PECAM1: variants seen among roughly 807,000 people sequenced by gnomAD.
PECAM1 encodes the protein platelet endothelial cell adhesion molecule.
In PECAM1, 8 loss-of-function variants were observed where a neutral mutation model predicts 13.8. The ratio of observed to expected loss-of-function variants is 0.58; its 90% CI spans 0.34 to 1.05. The LOEUF (loss-of-function observed/expected upper bound fraction) is 1.05. Ranked by LOEUF, PECAM1 falls within the 50% of genes least tolerant of loss-of-function variation. PECAM1 has a pLI of 0.03. For missense variants in PECAM1, 304 were observed against 141.2 expected, an observed-to-expected ratio of 2.15 and a Z score of -5.84; for synonymous variants, 136 against 52.6, an observed-to-expected ratio of 2.58 and a Z score of -6.86.
chr17:64,357,551 G>A (rs200621651), intron 7 of PECAM1, among the ~76,000 whole-genome samples: 6,011 of 152,248 alleles, frequency 0.039, 407 homozygotes, highest in African/African-American at 0.14. Flanking sequence ...TGTAACTTAT[G>A]AGTCACTCTC....
chr17:64,324,369 T>TCCTGCCC (rs2034887269), intron 15 of PECAM1, among the ~76,000 whole-genome samples: 1 of 152,192 alleles, frequency 6.6e-6, no homozygotes, highest in Non-Finnish European at 1.5e-5. Context: ...CTCTCCTGGC[T>TCCTGCCC]CCTGCCCGTA....
rs1008711555 is a variant in PECAM1 at position 64,322,628 on chromosome 17, G to A, written c.*1188C>T. 1.1e-5 allele frequency: 11 copies of A among 985,132 alleles called. No homozygotes were observed. The highest frequency in any genetic ancestry group is 1.7e-5 in the African/African-American group (1 of 57,220). 61.0% of individuals were successfully genotyped at this position (985,132 alleles called of 1,614,324 possible). On this transcript the variant is annotated 3_prime_UTR_variant, in exon 16 of 16. Coordinates refer to ENST00000563924, the MANE Select transcript of PECAM1 (RefSeq NM_000442.5). ...GTTCTCATCTGTGAAATTCCACAGC[G>A]CAATGACAGCAGCCTCTCTCCCACC...
intron 7 of PECAM1, among the ~76,000 whole-genome samples, chr17:64,359,097 C>T (rs2035913941): frequency 6.6e-6 from 1 of 152,044 alleles, no homozygotes; most frequent in Admixed American, 6.6e-5. Context: ...CTCAACCAGC[C>T]TATGTTAATG....
intron 14 of PECAM1, among the ~76,000 whole-genome samples, chr17:64,339,901 G>A (rs1351066511): frequency 6.6e-6 from 1 of 152,188 alleles, no homozygotes. Context: ...TGTAATCCCA[G>A]CACTTTGGGA....
At chr17:64,340,262 G>C (rs2035391716) in intron 14 of PECAM1, among the ~76,000 whole-genome samples, 2 of 152,278 alleles carry the variant, frequency 1.3e-5, no homozygotes, top group South Asian at 4.1e-4. Flanking sequence ...GTGGGTCTGG[G>C]CTGGGCCCGA....
intron 14 of PECAM1, among the ~76,000 whole-genome samples, chr17:64,338,467 C>A (rs1256681951): frequency 6.6e-6 from 1 of 151,828 alleles, no homozygotes; most frequent in African/African-American, 2.4e-5. Flanking sequence ...TCTCAGTTTG[C>A]CACTCTGGGA....
intron 7 of PECAM1, among the ~76,000 whole-genome samples, chr17:64,357,941 C>G (rs2035882887): frequency 6.6e-6 from 1 of 151,956 alleles, no homozygotes; most frequent in Non-Finnish European, 1.5e-5. Flanking sequence ...TGCATCCTGT[C>G]CTTCCTTCCA....
intron 7 of PECAM1, among the ~76,000 whole-genome samples, chr17:64,357,938 T>C (rs2035882650): frequency 6.6e-6 from 1 of 152,092 alleles, no homozygotes; most frequent in African/African-American, 2.4e-5. Context: ...ATTTGCATCC[T>C]GTCCTTCCTT....
intron 2 of PECAM1, among the ~76,000 whole-genome samples, chr17:64,389,885 T>C (rs1480330930): frequency 6.6e-6 from 1 of 151,868 alleles, no homozygotes; most frequent in African/African-American, 2.4e-5. Flanking sequence ...CTGTCTCTAC[T>C]AAAAATACAA....
intron 13 of PECAM1, among the ~76,000 whole-genome samples, chr17:64,342,292 G>GC (rs2035454062): frequency 6.6e-6 from 1 of 152,162 alleles, no homozygotes; most frequent in South Asian, 2.1e-4. Flanking sequence ...GGATGGAGAG[G>GC]CCCCCAGCAA....
At chr17:64,326,815 G>A (rs1567999467) in intron 15 of PECAM1, among the ~76,000 whole-genome samples, 2 of 152,226 alleles carry the variant, frequency 1.3e-5, no homozygotes, top group Non-Finnish European at 2.9e-5. Flanking sequence ...CCACCCAAGT[G>A]CAGTTGTGAA....
chr17:64,360,302 G>A lies in PECAM1; in HGVS notation c.1330C>T (p.Leu444Phe), dbSNP rs2035943217. The change falls in exon 7 of 16, where the codon CTT becomes TTT. Residue 444 changes from leucine (L) to phenylalanine (F), a missense_variant. Coordinates refer to ENST00000563924, the MANE Select transcript of PECAM1 (RefSeq NM_000442.5). ...TCCAAAACTTTACTTGTTTTTAAAA[G>A]TTGGTAAGAAATAGGCAAAGTTCCA... The part of the protein sequence containing the change: ...ISGTLPISYQ[L>F]LKTSKVLENS... 6.3e-6 allele frequency: 3 copies of A among 475,370 alleles called. No homozygotes were observed. The highest frequency in any genetic ancestry group is 5.9e-5 in the African/African-American group (3 of 50,624). The allele number at this position is 475,370 out of a possible 1,614,324, so 29.4% of individuals were successfully genotyped here.
intron 14 of PECAM1, among the ~76,000 whole-genome samples, chr17:64,331,794 C>T (rs1191217390): frequency 2.6e-5 from 4 of 152,230 alleles, no homozygotes; most frequent in Admixed American, 2.0e-4. Flanking sequence ...GACTTGAAGA[C>T]AGAGAAGTCA....
chr17:64,330,571 G>T (rs2035084212), intron 14 of PECAM1, among the ~76,000 whole-genome samples: 1 of 151,432 alleles, frequency 6.6e-6, no homozygotes. Flanking sequence ...AGGAGGCAGA[G>T]GTTGCAGTGA....
intron 15 of PECAM1, among the ~76,000 whole-genome samples, chr17:64,329,216 C>T (rs1234259738): frequency 6.6e-6 from 1 of 152,158 alleles, no homozygotes; most frequent in Non-Finnish European, 1.5e-5. Flanking sequence ...TCTGGCATAG[C>T]TCACTTTGCT....
In PECAM1 at chr17:64,343,237, A is replaced by G. The variant is rs951119413; in HGVS notation, c.2108-1547T>C. Among the ~76,000 whole-genome samples the G allele has an allele frequency of 1.8e-3, 269 of 151,910 alleles. 2 individuals carry two copies. The highest frequency in any genetic ancestry group is 0.016 in the Admixed American group (237 of 15,240). On this transcript the variant is annotated intron_variant, in intron 13 of 15. Transcript: ENST00000563924. The stretch of plus-strand genomic sequence containing the variant: ...TGCACTGAGATGCCCTTGTCTCACC[A>G]TGCTCCAGGGACACCCCACTCTCAC...
At chr17:64,379,062 G>T (rs1185883543) in intron 2 of PECAM1, 1 of 152,160 alleles carries the variant, frequency 6.6e-6, no homozygotes, top group Non-Finnish European at 1.5e-5. Context: ...TTTTTAGCCT[G>T]CTACTTGCGT....
intron 14 of PECAM1, among the ~76,000 whole-genome samples, chr17:64,339,641 T>G (rs1335180169): frequency 1.3e-5 from 2 of 152,196 alleles, no homozygotes; most frequent in African/African-American, 2.4e-5. Flanking sequence ...GATTTGCATT[T>G]TGTTAGCTCT....
chr17:64,384,464 C>T (rs957933883), intron 2 of PECAM1, among the ~76,000 whole-genome samples: 2 of 152,182 alleles, frequency 1.3e-5, no homozygotes, highest in Non-Finnish European at 2.9e-5. Context: ...CATTAACCAA[C>T]AAAATACTCC....
Sources: gnomAD v4.1 joint callset for allele counts (sites outside exome capture counted in the v4.1 genomes callset) on GRCh38, gnomAD v4.1.1 for gene constraint, MANE v1.5 for transcripts, NCBI Gene and HGNC (gene_info 2026-07-23, HGNC 2026-07-21) for gene names.